The following RUVBL2 variants were observed in gnomAD, a reference collection of about 807,000 sequenced individuals.
RUVBL2 encodes ruvB-like 2.
In RUVBL2, 9 loss-of-function variants were observed where a neutral mutation model predicts 57.9. The ratio of observed to expected loss-of-function variants is 0.16; its 90% CI spans 0.09 to 0.27. RUVBL2 has a LOEUF of 0.27. Among genes scored for constraint, RUVBL2 ranks in the 10% least tolerant of loss-of-function variants. RUVBL2 has a pLI of 1.00. For synonymous variants in RUVBL2, 278 were observed against 264.6 expected, an observed-to-expected ratio of 1.05 and a Z score of -0.49; for missense variants, 456 against 669.6, an observed-to-expected ratio of 0.68 and a Z score of 3.52.
intron 2 of RUVBL2, among the ~76,000 whole-genome samples, chr19:49,003,073 C>A (rs3764621): frequency 0.071 from 10,756 of 152,238 alleles, 450 homozygotes; most frequent in Middle Eastern, 0.099. Context: ...AGCTCCAGTT[C>A]ATTGAGCATT....
chr19:49,011,446 A>G lies in RUVBL2; in HGVS notation c.1001+136A>G. 1.5e-6 allele frequency: 1 copy of G among 684,192 alleles called. No individual in the cohort carries two copies. Among genetic ancestry groups the G allele is most frequent in the South Asian group, 1.8e-5 (1 of 55,840 alleles). 42.4% of individuals were successfully genotyped at this position (684,192 alleles called of 1,614,324 possible). On this transcript the variant is annotated intron_variant, in intron 11 of 14. Transcript: ENST00000595090. This position sits in a 1 kb window ranked among gnomAD's most constrained non-coding sequence, Gnocchi z 4.4. ...CTGCAGTGTGCGCTCTTTGCTTACA[A>G]AAGGCGGGTGGGAGGCAGCTCTGCT...
intron 11 of RUVBL2, among the ~76,000 whole-genome samples, 190 bp from the exon 12 acceptor site, chr19:49,014,294 G>C (rs979191300): frequency 6.6e-6 from 1 of 152,232 alleles, no homozygotes; most frequent in African/African-American, 2.4e-5. Context: ...GGTGCCCTTG[G>C]GGGACTGACG....
chr19:49,008,258 T>C lies in RUVBL2; in HGVS notation c.462+890T>C, dbSNP rs2122626130. On this transcript the variant is annotated intron_variant, in intron 6 of 14. Transcript: ENST00000595090. ...TTTTATTTTATTATAATTTTTTTTT[T>C]GAGATGGAGTCTTGCTCTGTTGCCC... Among the ~76,000 whole-genome samples the C allele has an allele frequency of 2.0e-5, 3 of 149,850 alleles. No homozygotes were observed. In the South Asian group the frequency reaches 6.3e-4, roughly 31 times the overall value.
chr19:49,008,858 A>G (rs2039339467), intron 6 of RUVBL2, among the ~76,000 whole-genome samples: 1 of 152,074 alleles, frequency 6.6e-6, no homozygotes, highest in South Asian at 2.1e-4. Flanking sequence ...GGGTGCTTGT[A>G]ATCCCAGCTA....
At chr19:48,996,620 G>A (rs1301968212) in intron 1 of RUVBL2, among the ~76,000 whole-genome samples, 1 of 151,474 alleles carries the variant, frequency 6.6e-6, no homozygotes, top group Non-Finnish European at 1.5e-5. Flanking sequence ...CCGCCTCCTG[G>A]GTTCAAGCAA....
At position 48,999,308 on chromosome 19, in the gene RUVBL2, T is replaced by C; in HGVS notation, c.13-11T>C. The C allele has an allele frequency of 6.2e-7, 1 of 1,614,172 alleles. No homozygotes were observed. The highest frequency in any genetic ancestry group is 1.6e-4 in the Middle Eastern group (1 of 6,062). ...ACACTAGTCCTCTGACACATCTTCT[T>C]GCACCCCCAGACAGCCACAACCAAA... On this transcript the variant is annotated splice_polypyrimidine_tract_variant and intron_variant, in intron 1 of 14. Transcript: ENST00000595090.
chr19:49,010,471 C>CCCCCCCCCCCCCCA lies in RUVBL2; in HGVS notation c.664-16_664-15insCCCCCCCCCCCCAC. 1.5e-6 allele frequency: 2 copies of CCCCCCCCCCCCCCA among 1,312,294 alleles called. No individual in the cohort carries two copies. Among genetic ancestry groups the CCCCCCCCCCCCCCA allele is most frequent in the Non-Finnish European group, 2.1e-6 (2 of 945,352 alleles). The allele number at this position is 1,312,294 out of a possible 1,614,324, so 81.3% of individuals were successfully genotyped here. A position where few individuals can be genotyped will look rare whatever the true frequency, so the allele number is the denominator to read the frequency against. ...CTGCCCTGTCTCCGCCGTTCTTCCC[C>CCCCCCCCCCCCCCA]CACCCCCGCCCCATAGACCAAGTTC... On this transcript the variant is annotated splice_polypyrimidine_tract_variant and intron_variant, in intron 8 of 14. Coordinates refer to ENST00000595090, the MANE Select transcript of RUVBL2 (RefSeq NM_006666.3).
Position 49,004,417 on chromosome 19 carries a change from G to A in RUVBL2, c.264G>A (p.Met88Ile). Residue 88 changes from methionine (M) to isoleucine (I), a missense_variant and splice_region_variant, in exon 4 of 15, where the codon ATG (methionine) becomes ATA (isoleucine). Around this residue, in one of 5 missense-constraint regions of RUVBL2, gnomAD observed 233 missense variants for 306.0 expected, o/e 0.76. Transcript: ENST00000595090. Reference sequence around the variant, plus strand: ...GCACGGGGAAGACGGCCATCGCCATGGGTAAGAAACCTCCCAGGGCAGGAA... The same window carrying A: ...GCACGGGGAAGACGGCCATCGCCATAGGTAAGAAACCTCCCAGGGCAGGAA... Reference protein sequence around the residue: ...QPGTGKTAIAMGMAQALGPDT... With the variant: ...QPGTGKTAIAIGMAQALGPDT... The A allele has an allele frequency of 6.2e-7, 1 of 1,611,728 alleles. No individual in the cohort carries two copies. The highest frequency in any genetic ancestry group is 1.1e-5 in the South Asian group (1 of 90,980).
chr19:48,996,409 CCT>C (rs1239471990), intron 1 of RUVBL2, among the ~76,000 whole-genome samples: 1 of 151,656 alleles, frequency 6.6e-6, no homozygotes, highest in Non-Finnish European at 1.5e-5. Context: ...GCAGCCTCTG[CCT>C]CTCTCCCATG....
rs1230395231 is a variant in RUVBL2, at chr19:49,012,851, A to ACACG, written c.1001+1544_1001+1545insGCAC. ...TGCAGCCTCAGTGCCCACCACACAC[A>ACACG]CACACACACACACACACACACACAC... On this transcript the variant is annotated intron_variant, in intron 11 of 14. Transcript: ENST00000595090. Among the ~76,000 whole-genome samples the ACACG allele has an allele frequency of 2.0e-3, 296 of 144,990 alleles. 1 individual carries two copies. The highest frequency in any genetic ancestry group is 3.5e-3 in the Middle Eastern group (1 of 286).
intron 6 of RUVBL2, among the ~76,000 whole-genome samples, 159 bp from the exon 7 acceptor site, chr19:49,009,617 C>T (rs2039364849): frequency 6.6e-6 from 1 of 152,206 alleles, no homozygotes; most frequent in Non-Finnish European, 1.5e-5. Flanking sequence ...CTGGTGAGCG[C>T]ACCGTATGTC....
rs1356581991 is a variant in RUVBL2 at position 49,001,036 on chromosome 19, G to C, written c.67+1663G>C. ...TAGCCGGCAGTGGTGGTCCATGCCT[G>C]AGTCCCAGCTACTTGGGAGAACTGC... On this transcript the variant is annotated intron_variant, in intron 2 of 14. Coordinates refer to ENST00000595090, the MANE Select transcript of RUVBL2 (RefSeq NM_006666.3). Among the ~76,000 whole-genome samples, 3 of 151,736 alleles carry C rather than the reference G, an allele frequency of 2.0e-5. No homozygotes were observed. In the East Asian group the frequency reaches 5.9e-4, roughly 30 times the overall value.
intron 2 of RUVBL2, among the ~76,000 whole-genome samples, chr19:49,001,116 C>T (rs1600173072): frequency 1.3e-5 from 2 of 152,118 alleles, no homozygotes; most frequent in South Asian, 2.1e-4. Context: ...TGCACTCCAG[C>T]CTGGGTGACA....
chr19:48,993,530 TCTGTCAATCTG>T, upstream of RUVBL2: 3 of 442,452 alleles, frequency 6.8e-6, no homozygotes, highest in South Asian at 6.6e-5. Flanking sequence ...GGCCTTCAGC[TCTGTCAATCTG>T]GAGCTGGAGG....
At chr19:49,010,447 T>A (rs2039391763) in intron 8 of RUVBL2, 41 bp from the exon 9 acceptor site, 2 of 1,607,166 alleles carry the variant, frequency 1.2e-6, no homozygotes, top group Non-Finnish European at 1.7e-6. Context: ...TGCCCTTCCC[T>A]GCCCTGTCTC....
chr19:49,011,861 G>A lies in RUVBL2; in HGVS notation c.1001+551G>A, dbSNP rs201151751. Among the ~76,000 whole-genome samples the A allele has an allele frequency of 2.6e-5, 3 of 116,356 alleles. No homozygotes were observed. Among genetic ancestry groups the A allele is most frequent in the Admixed American group, 1.0e-4 (1 of 9,584 alleles). The allele number at this position is 116,356 out of a possible 152,430, so 76.3% of individuals were successfully genotyped here. On this transcript the variant is annotated intron_variant, in intron 11 of 14. Transcript: ENST00000595090. This position sits in a 1 kb window ranked among gnomAD's most constrained non-coding sequence, Gnocchi z 4.4. ...ATGTTGTGTTTGGCCTGAGGATGCC[G>A]GGGACAGATTCCTGTGACACAGAGG...
At chr19:48,999,119 A>G (rs984578947) in intron 1 of RUVBL2, among the ~76,000 whole-genome samples, 200 bp from the exon 2 acceptor site, 5 of 152,164 alleles carry the variant, frequency 3.3e-5, no homozygotes, top group Non-Finnish European at 4.4e-5. Context: ...GATGAGACAG[A>G]CAGTCCTTGT....
chr19:49,010,726 G>T, intron 9 of RUVBL2, 115 bp downstream of exon 9: 1 of 1,450,632 alleles, frequency 6.9e-7, no homozygotes, highest in Non-Finnish European at 9.3e-7. Context: ...GCTGTTTCCT[G>T]TAACTCCGGC....
chr19:49,007,563 A>G (rs2039306651), intron 6 of RUVBL2, among the ~76,000 whole-genome samples, 195 bp downstream of exon 6: 1 of 152,224 alleles, frequency 6.6e-6, no homozygotes. Context: ...ATTATGGGCA[A>G]TAGAAACTGA....
Sources: gnomAD v4.1 joint callset for allele counts (sites outside exome capture counted in the v4.1 genomes callset) on GRCh38, gnomAD v4.1.1 for gene constraint, gnomAD v4.1.1 regional missense constraint, Gnocchi (gnomAD v3.1) non-coding constraint, MANE v1.5 for transcripts, NCBI Gene and HGNC (gene_info 2026-07-23, HGNC 2026-07-21) for gene names.